The following EHD3 variants were observed in gnomAD, a reference collection of about 807,000 sequenced individuals.
EHD3 encodes EH domain-containing protein 3.
A neutral mutation model predicts 43.0 loss-of-function variants in EHD3; 17 were observed. That is an observed-to-expected ratio of 0.40 (90% CI 0.27 to 0.59). EHD3 has a LOEUF of 0.59. Ranked by LOEUF, EHD3 falls within the 20% of genes least tolerant of loss-of-function variation. The probability of loss-of-function intolerance (pLI) is 0.49; values close to 1 mark genes in which losing one functional copy is unlikely to be tolerated. For synonymous variants in EHD3, 313 were observed against 289.5 expected (o/e 1.08, Z -0.82); for missense variants, 594 against 705.6 (o/e 0.84, Z 1.79).
At chr2:31,261,408 T>C in intron 4 of EHD3, 141 bp from the exon 5 acceptor site, 1 of 1,003,498 alleles carries the variant, frequency 1.0e-6, no homozygotes, top group South Asian at 1.7e-5. Context: ...GCCATGAGGG[T>C]AGAGGTAGAA....
At chr2:31,263,654 G>T (rs1438451691) in intron 5 of EHD3, among the ~76,000 whole-genome samples, 1 of 152,144 alleles carries the variant, frequency 6.6e-6, no homozygotes, top group Admixed American at 6.5e-5. Context: ...TCAGCCCTAA[G>T]GCCTTCCTGG....
chr2:31,257,593 T>C (rs564678533), intron 3 of EHD3, among the ~76,000 whole-genome samples: 1 of 152,290 alleles, frequency 6.6e-6, no homozygotes, highest in South Asian at 2.1e-4. Flanking sequence ...ACGATACTCC[T>C]CGCGCTGCCT....
intron 1 of EHD3, among the ~76,000 whole-genome samples, chr2:31,235,507 G>A (rs560691534): frequency 1.3e-5 from 2 of 151,970 alleles, no homozygotes; most frequent in Non-Finnish European, 1.5e-5. Flanking sequence ...TATTAAAGAC[G>A]CTTAGAGATG....
rs910363054 is a variant in EHD3 at position 31,267,956 on chromosome 2, G to A, written c.*1252G>A. 3 of 152,456 alleles carry A rather than the reference G, an allele frequency of 2.0e-5. No individual in the cohort carries two copies. The highest frequency in any genetic ancestry group is 6.5e-5 in the Admixed American group (1 of 15,276). The allele number at this position is 152,456 out of a possible 1,614,324, so 9.4% of individuals were successfully genotyped here. ...CATCCAACAGCACCAGCAGGAGAGT[G>A]GGCTAGCCTGCTGGATGCTGTTCGT... is the stretch of plus-strand genomic sequence containing the variant. On this transcript the variant is annotated 3_prime_UTR_variant, in exon 6 of 6. Transcript: ENST00000322054.
rs1683979795 is a variant in EHD3 at position 31,267,552 on chromosome 2, G to A, written c.*848G>A. The A allele has an allele frequency of 6.6e-6, 1 of 152,580 alleles. No homozygotes were observed. The highest frequency in any genetic ancestry group is 1.5e-5 in the Non-Finnish European group (1 of 68,030). The allele number at this position is 152,580 out of a possible 1,614,324, so 9.5% of individuals were successfully genotyped here. On this transcript the variant is annotated 3_prime_UTR_variant, in exon 6 of 6. Coordinates refer to ENST00000322054, the MANE Select transcript of EHD3 (RefSeq NM_014600.3). ...AGGCACTTTATATACATTATTCTAT[G>A]TGGCCCTCACTGATGCCCCAGGGAA...
In EHD3 at chr2:31,268,432, G is replaced by C. The variant is rs978481802; in HGVS notation, c.*1728G>C. The C allele has an allele frequency of 6.6e-6, 1 of 152,606 alleles. No individual in the cohort carries two copies. Among genetic ancestry groups the C allele is most frequent in the Non-Finnish European group, 1.5e-5 (1 of 68,072 alleles). The allele number at this position is 152,606 out of a possible 1,614,324, so 9.5% of individuals were successfully genotyped here. A position where few individuals can be genotyped will look rare whatever the true frequency, so the allele number is the denominator to read the frequency against. Reference sequence around the variant, plus strand: ...CAGAGCATCATTCAATGGAGGCTGAGGGAGAAGGGCTGGGTTCTTACTTGG... The same window carrying C: ...CAGAGCATCATTCAATGGAGGCTGACGGAGAAGGGCTGGGTTCTTACTTGG... On this transcript the variant is annotated 3_prime_UTR_variant, in exon 6 of 6. Transcript: ENST00000322054.
At chr2:31,263,961 T>C (rs1163924149) in intron 5 of EHD3, among the ~76,000 whole-genome samples, 2 of 152,218 alleles carry the variant, frequency 1.3e-5, no homozygotes. Flanking sequence ...TGGGTTGTCA[T>C]GTGAAGGCAA....
intron 1 of EHD3, among the ~76,000 whole-genome samples, chr2:31,242,804 C>T (rs1415818731): frequency 6.6e-6 from 1 of 151,690 alleles, no homozygotes; most frequent in Non-Finnish European, 1.5e-5. Context: ...ACTAAAAATA[C>T]AAAAAATTAG....
chr2:31,251,759 C>T (rs571301914), intron 3 of EHD3, among the ~76,000 whole-genome samples: 2 of 152,128 alleles, frequency 1.3e-5, no homozygotes, highest in East Asian at 1.9e-4. Context: ...CCAGCACGCA[C>T]GCTGTAAGCA....
chr2:31,249,296 A>G, intron 2 of EHD3, 75 bp from the exon 3 acceptor site: 1 of 1,321,720 alleles, frequency 7.6e-7, no homozygotes, highest in Admixed American at 1.7e-5. Flanking sequence ...GAGAGACAAG[A>G]CAGGTGGTTG....
In EHD3 at chr2:31,244,470, AAC is replaced by A. The variant is rs750791031; in HGVS notation, c.404+23_404+24del. 1 of 1,609,474 alleles carries A rather than the reference AAC, an allele frequency of 6.2e-7. No individual in the cohort carries two copies. Among genetic ancestry groups the A allele is most frequent in the South Asian group, 1.1e-5 (1 of 90,808 alleles). On this transcript the variant is annotated intron_variant, in intron 2 of 5. Transcript: ENST00000322054. ...GAACAGGTGAGTGTGGAGGGAACACAACACTTTCAGGTGCTCTCTTTTCTTCT... is the reference window on the plus strand; with the variant it reads ...GAACAGGTGAGTGTGGAGGGAACACAACTTTCAGGTGCTCTCTTTTCTTCT...
At chr2:31,255,473 C>T (rs940367998) in intron 3 of EHD3, among the ~76,000 whole-genome samples, 5 of 151,768 alleles carry the variant, frequency 3.3e-5, no homozygotes, top group Non-Finnish European at 7.3e-5. Flanking sequence ...TTTGTTATCC[C>T]TATTTTGCAG....
intron 1 of EHD3, 57 bp from the exon 2 acceptor site, chr2:31,244,217 T>A: frequency 1.3e-6 from 2 of 1,547,924 alleles, no homozygotes; most frequent in Non-Finnish European, 1.8e-6. Flanking sequence ...ATAGTAGACA[T>A]GCCGTGTTGA....
chr2:31,266,116 A>G lies in EHD3; in HGVS notation c.1081-61A>G, dbSNP rs1417732104. The G allele has an allele frequency of 1.3e-6, 2 of 1,538,574 alleles. No homozygotes were observed. The highest frequency in any genetic ancestry group is 1.8e-6 in the Non-Finnish European group (2 of 1,140,270). On this transcript the variant is annotated intron_variant, in intron 5 of 5. Transcript: ENST00000322054. The surrounding 1 kb of genome is among the most constrained non-coding windows in gnomAD (Gnocchi z 5.1). Reference sequence around the variant, plus strand: ...TTCTGGTGCTCATAGGAGGCACGTGATAAATGGAGGGCTCTCCTTTCATCG... The same window carrying G: ...TTCTGGTGCTCATAGGAGGCACGTGGTAAATGGAGGGCTCTCCTTTCATCG...
chr2:31,255,554 CT>C (rs1464020032), intron 3 of EHD3, among the ~76,000 whole-genome samples: 4 of 152,190 alleles, frequency 2.6e-5, no homozygotes, highest in Non-Finnish European at 4.4e-5. Context: ...CTTTTTCTTA[CT>C]GGGTCCAGTC....
intron 1 of EHD3, among the ~76,000 whole-genome samples, chr2:31,238,586 C>T (rs1440983373): frequency 2.0e-5 from 3 of 152,226 alleles, no homozygotes; most frequent in Non-Finnish European, 2.9e-5. Flanking sequence ...CTTTGGAGTA[C>T]AGTAGCTCTG....
rs147087074 is a variant in EHD3, at chr2:31,266,231, C to G, written c.1135C>G (p.Leu379Val). The G allele has an allele frequency of 1.2e-6, 2 of 1,614,140 alleles. No homozygotes were observed. The highest frequency in any genetic ancestry group is 1.6e-4 in the Middle Eastern group (1 of 6,062). The change falls in exon 6 of 6, where the codon CTG becomes GTG. Residue 379 changes from leucine to valine, a missense_variant. Leu to Val is a conservative substitution (Grantham distance 32). Transcript: ENST00000322054. This position sits in a 1 kb window ranked among gnomAD's most constrained non-coding sequence, Gnocchi z 5.1. ...GTTCCAGCCGCTGAAGAGCAAGCTGCTGGAGGTAGTGGACGACATGCTGGC... is the reference window on the plus strand; with the variant it reads ...GTTCCAGCCGCTGAAGAGCAAGCTGGTGGAGGTAGTGGACGACATGCTGGC... ...SKFQPLKSKL[L>V]EVVDDMLAHD...
Position 31,266,639 on chromosome 2 carries a change from C to A in EHD3, c.1543C>A (p.His515Asn), listed in dbSNP as rs375529279. The A allele has an allele frequency of 6.2e-7, 1 of 1,613,590 alleles. No individual in the cohort carries two copies. Among genetic ancestry groups the A allele is most frequent in the Non-Finnish European group, 8.5e-7 (1 of 1,179,682 alleles). Residue 515 changes from histidine to asparagine, a missense_variant, in exon 6 of 6, where the codon CAC (histidine) becomes AAC (asparagine). By Grantham distance (68) the His-to-Asn change is moderately conservative (BLOSUM62 1). Transcript: ENST00000322054. The surrounding 1 kb of genome is among the most constrained non-coding windows in gnomAD (Gnocchi z 5.1). Reference protein sequence around the residue: ...NHLIKVKLEGHELPNELPAHL... With the variant: ...NHLIKVKLEGNELPNELPAHL... ...CCTCATCAAAGTCAAGCTGGAGGGGCACGAGCTGCCCAACGAGCTGCCTGC... is the reference window on the plus strand; with the variant it reads ...CCTCATCAAAGTCAAGCTGGAGGGGAACGAGCTGCCCAACGAGCTGCCTGC...
intron 3 of EHD3, among the ~76,000 whole-genome samples, chr2:31,255,844 C>CAAGTTCTCTG (rs1683742108): frequency 6.6e-6 from 1 of 152,170 alleles, no homozygotes; most frequent in Admixed American, 6.5e-5. Flanking sequence ...TTCCCAGAAG[C>CAAGTTCTCTG]CCTTGGCCTG....
Sources: allele counts gnomAD v4.1 joint callset (sites outside exome capture counted in the v4.1 genomes callset), GRCh38; gene constraint gnomAD v4.1.1; non-coding constraint Gnocchi (gnomAD v3.1); transcripts MANE v1.5; gene names NCBI Gene and HGNC (gene_info 2026-07-23, HGNC 2026-07-21).